DMD: variants seen among roughly 807,000 people sequenced by gnomAD.
DMD encodes the protein dystrophin, also known as mutant dystrophin.
Under a neutral mutation model 330.1 loss-of-function variants are expected in DMD, and 63 were observed. The observed-to-expected ratio is 0.19, with a 90% CI of 0.16 to 0.24. DMD has a LOEUF of 0.24. Ranked by LOEUF, DMD falls within the 10% of genes least tolerant of loss-of-function variation. The pLI is 1.00. For missense variants in DMD, 3,344 were observed against 2,684.1 expected (o/e 1.25, Z -5.43); for synonymous variants, 1,223 against 959.8 (o/e 1.27, Z -5.07).
At chrX:31,183,772 G>C (rs1327213790) in intron 67 of DMD, among the ~76,000 whole-genome samples, 1 of 108,200 alleles carries the variant, frequency 9.2e-6, no homozygotes, top group Non-Finnish European at 1.9e-5. Flanking sequence ...CTTCCATCTG[G>C]GATTAGTTCT....
Position 31,809,048 on chromosome X carries a change from T to C in DMD, c.7309+10927A>G, listed in dbSNP as rs569688373. Among the ~76,000 whole-genome samples, 147 of 108,624 alleles carry C rather than the reference T, an allele frequency of 1.4e-3. No homozygotes were observed. In the South Asian group the frequency reaches 0.031, roughly 23 times the overall value. 94.3% of individuals were successfully genotyped at this position (108,624 alleles called of 115,157 possible). The stretch of plus-strand genomic sequence containing the variant: ...AGAGTCCTGGGAAAATGAAGGGACA[T>C]TGGAGATTGGCTAGTTTGTTTTATT... On this transcript the variant is annotated intron_variant, in intron 50 of 78. Coordinates refer to ENST00000357033, the MANE Select transcript of DMD (RefSeq NM_004006.3).
At chrX:31,266,159 CAA>C (rs1174153877) in intron 62 of DMD, among the ~76,000 whole-genome samples, 96 of 13,313 alleles carry the variant, frequency 7.2e-3, no homozygotes, top group African/African-American at 0.024. Flanking sequence ...TCCCGAAGGG[CAA>C]AAAAAAAAAA....
chrX:32,464,764 G>A, intron 23 of DMD, 65 bp from the exon 24 acceptor site: 1 of 804,459 alleles, frequency 1.2e-6, no homozygotes, highest in East Asian at 3.2e-5. Context: ...ATTCATCATT[G>A]TGTTATGTCT....
chrX:32,123,441 G>A (rs770249662), intron 44 of DMD, among the ~76,000 whole-genome samples: 5 of 106,683 alleles, frequency 4.7e-5, no homozygotes, highest in Admixed American at 1.0e-4. Flanking sequence ...AACCATCCCC[G>A]TGATGCTGAT....
At chrX:32,579,683 T>C (rs756623650) in intron 13 of DMD, among the ~76,000 whole-genome samples, 5 of 113,057 alleles carry the variant, frequency 4.4e-5, no homozygotes, top group African/African-American at 1.6e-4. Context: ...ATAATTTGAT[T>C]CAAAAACATT....
chrX:33,106,782 G>A (rs371110610), intron 1 of DMD, among the ~76,000 whole-genome samples: 2 of 111,703 alleles, frequency 1.8e-5, no homozygotes, highest in East Asian at 2.8e-4. Context: ...GTGGCTGACA[G>A]GCATTAGAAA....
rs138797260 is a variant in DMD at position 31,553,263 on chromosome X, G to A, written c.8218-45810C>T. ...GCAGGAAGGGTAAATGCTAAGCTGAGCTTAGTTCATATGGGACGTTAACAT... is the reference window on the plus strand; with the variant it reads ...GCAGGAAGGGTAAATGCTAAGCTGAACTTAGTTCATATGGGACGTTAACAT... On this transcript the variant is annotated intron_variant, in intron 55 of 78. Transcript: ENST00000357033. Among the ~76,000 whole-genome samples the A allele has an allele frequency of 8.1e-3, 909 of 112,179 alleles. 3 individuals are homozygous for A. Among genetic ancestry groups the A allele is most frequent in the Non-Finnish European group, 0.013 (667 of 53,204 alleles).
chrX:33,286,336 CTTAT>C (rs1417968191), intron 1 of DMD, among the ~76,000 whole-genome samples: 2 of 111,658 alleles, frequency 1.8e-5, no homozygotes, highest in Non-Finnish European at 3.8e-5. Context: ...ACTTACTCAA[CTTAT>C]TTATTTTCTT....
intron 7 of DMD, among the ~76,000 whole-genome samples, chrX:32,704,822 G>A (rs761664254): frequency 8.9e-6 from 1 of 111,925 alleles, no homozygotes; most frequent in Non-Finnish European, 1.9e-5. Flanking sequence ...AAAACAGAAA[G>A]GCCTATATGT....
At chrX:33,237,209 C>T (rs1323051568) in intron 1 of DMD, among the ~76,000 whole-genome samples, 1 of 93,528 alleles carries the variant, frequency 1.1e-5, no homozygotes, top group Non-Finnish European at 2.2e-5. Flanking sequence ...CCCTTCCTCC[C>T]TTCCTTCCCT....
At chrX:31,133,051 T>G (rs1406405541) in intron 77 of DMD, among the ~76,000 whole-genome samples, 4 of 112,202 alleles carry the variant, frequency 3.6e-5, no homozygotes, top group Non-Finnish European at 5.6e-5. Context: ...CAACGTTTAC[T>G]TGCACATCAA....
chrX:32,772,358 G>A (rs747802745), intron 7 of DMD, among the ~76,000 whole-genome samples: 10 of 112,199 alleles, frequency 8.9e-5, no homozygotes, highest in African/African-American at 1.9e-4. Context: ...TTCTTTCTAC[G>A]TTTACAAGGG....
chrX:31,349,073 TATTG>T (rs1292089241), intron 60 of DMD, among the ~76,000 whole-genome samples: 3 of 112,543 alleles, frequency 2.7e-5, no homozygotes, highest in African/African-American at 9.7e-5. Context: ...AAAGAAGCAA[TATTG>T]ATTAATAGAT....
At chrX:33,285,587 C>T (rs1187224629) in intron 1 of DMD, among the ~76,000 whole-genome samples, 1 of 111,674 alleles carries the variant, frequency 9.0e-6, no homozygotes, top group Non-Finnish European at 1.9e-5. Flanking sequence ...ATTTTTCTCC[C>T]TTCTCTGGCG....
In DMD at chrX:32,912,029, G is replaced by T. The variant is rs749377180; in HGVS notation, c.94-62209C>A. On this transcript the variant is annotated intron_variant, in intron 2 of 78. Coordinates refer to ENST00000357033, the MANE Select transcript of DMD (RefSeq NM_004006.3). ...GGAGAGAAGAAGAGTGGGAGAGAAG[G>T]GGAGAGAGAGAGAGAGAGAGAGAGA... 8.1e-5 allele frequency among the ~76,000 whole-genome samples: 5 copies of T among 61,919 alleles called. No individual in the cohort carries two copies. The East Asian group carries it at 1.8e-3, about 22-fold the overall frequency. The allele number at this position is 61,919 out of a possible 115,157, so 53.8% of individuals were successfully genotyped here. A position where few individuals can be genotyped will look rare whatever the true frequency, so the allele number is the denominator to read the frequency against.
chrX:32,098,836 C>T (rs913126249), intron 44 of DMD, among the ~76,000 whole-genome samples: 3 of 112,096 alleles, frequency 2.7e-5, no homozygotes, highest in Non-Finnish European at 5.6e-5. Flanking sequence ...TGTTTCATCT[C>T]TTCATTTTAA....
intron 1 of DMD, among the ~76,000 whole-genome samples, chrX:33,284,892 G>T (rs56336404): frequency 5.9e-4 from 63 of 106,968 alleles, no homozygotes; most frequent in Non-Finnish European, 9.1e-4. Context: ...TTTAAATGCA[G>T]TGAGGGGTAT....
At chrX:31,876,227 C>T (rs1162848220) in intron 47 of DMD, among the ~76,000 whole-genome samples, 2 of 112,662 alleles carry the variant, frequency 1.8e-5, no homozygotes, top group Admixed American at 1.9e-4. Flanking sequence ...CCCACTATCA[C>T]ACATGGGTGA....
chrX:33,033,070 G>T (rs375790977), intron 1 of DMD, among the ~76,000 whole-genome samples: 5 of 111,414 alleles, frequency 4.5e-5, no homozygotes, highest in African/African-American at 1.3e-4. Flanking sequence ...CTAATCAAAA[G>T]AGGAGACAGT....
Sources: gnomAD v4.1 joint callset for allele counts (sites outside exome capture counted in the v4.1 genomes callset) on GRCh38, gnomAD v4.1.1 for gene constraint, MANE v1.5 for transcripts, NCBI Gene and HGNC (gene_info 2026-07-23, HGNC 2026-07-21) for gene names.